DISC1: variants seen among roughly 807,000 people sequenced by gnomAD.
The protein encoded by DISC1 is DISC1 scaffold protein.
A neutral mutation model predicts 84.5 loss-of-function variants in DISC1; 57 were observed. The ratio of observed to expected loss-of-function variants is 0.67; its 90% CI spans 0.55 to 0.84. The LOEUF is 0.84. Among genes scored for constraint, DISC1 ranks in the 40% least tolerant of loss-of-function variants. The pLI is 0.00. For missense variants in DISC1, 1,000 were observed against 1,057.8 expected, an observed-to-expected ratio of 0.95 and a Z score of 0.76; for synonymous variants, 411 against 415.2, an observed-to-expected ratio of 0.99 and a Z score of 0.12.
At position 231,958,841 on chromosome 1, in the gene DISC1, G is replaced by A. The variant is rs1379501388; in HGVS notation, c.1995G>A (p.Lys665=). The A allele has an allele frequency of 1.9e-6, 3 of 1,613,536 alleles. No homozygotes were observed. The South Asian group carries it at 3.3e-5, about 18-fold the overall frequency. The change falls in exon 10 of 13, where the codon AAG becomes AAA. Residue 665 remains lysine (K), a synonymous_variant. Transcript: ENST00000439617. ...TTTTTCCCCCAGAAACAAGTGTGAA[G>A]GAAAATACTATGAAGTACATGGAAA... ...HQETAYETSV[K]ENTMKYMETL...
chr1:231,754,556 C>A (rs1041011848), intron 4 of DISC1, among the ~76,000 whole-genome samples: 6 of 152,156 alleles, frequency 3.9e-5, no homozygotes, highest in Non-Finnish European at 8.8e-5. Flanking sequence ...ATTTAATCAC[C>A]TCCCACCAGG....
chr1:231,635,273 C>G (rs2059100941), intron 1 of DISC1, among the ~76,000 whole-genome samples: 1 of 152,092 alleles, frequency 6.6e-6, no homozygotes, highest in Non-Finnish European at 1.5e-5. Flanking sequence ...TCTTTTCAAG[C>G]TTTCCATACA....
intron 10 of DISC1, among the ~76,000 whole-genome samples, chr1:231,987,342 TCGTCAGCTGAAAGCTGA>T (rs1664589478): frequency 6.6e-6 from 1 of 152,230 alleles, no homozygotes; most frequent in Non-Finnish European, 1.5e-5. Flanking sequence ...ATTGCCTTCA[TCGTCAGCTGAAAGCTGA>T]GCCATGACAA....
At chr1:231,815,724 A>G (rs1208455839) in intron 8 of DISC1, among the ~76,000 whole-genome samples, 5 of 142,376 alleles carry the variant, frequency 3.5e-5, no homozygotes, top group East Asian at 2.1e-4. Context: ...GGCAACAAGA[A>G]CAAAACTCTG....
intron 10 of DISC1, among the ~76,000 whole-genome samples, chr1:231,971,355 C>G (rs1388002308): frequency 6.6e-6 from 1 of 152,156 alleles, no homozygotes; most frequent in East Asian, 1.9e-4. Context: ...TAGCTTCAGA[C>G]ACATGATTAA....
Position 231,826,557 on chromosome 1 carries a change from A to G in DISC1, c.1981+8040A>G, listed in dbSNP as rs574657048. 1.4e-4 allele frequency among the ~76,000 whole-genome samples: 21 copies of G among 152,302 alleles called. No homozygotes were observed. The highest frequency in any genetic ancestry group is 4.1e-4 in the African/African-American group (17 of 41,572). The stretch of plus-strand genomic sequence containing the variant: ...ATTTAACTCAGTAGTAGGAGGTTCT[A>G]TAGGTTATCACCCTATGAAACTCAT... On this transcript the variant is annotated intron_variant, in intron 9 of 12. Transcript: ENST00000439617. The surrounding 1 kb of genome is among the most constrained non-coding windows in gnomAD (Gnocchi z 4.2).
Position 231,849,578 on chromosome 1 carries a change from ATGTG to A in DISC1, c.1981+31067_1981+31070del, listed in dbSNP as rs2083732592. ...TGTATGTTTGTGTTTTCATGTGTAT[ATGTG>A]TGTGTATGTGTGCGTGTGTTTCCCT... On this transcript the variant is annotated intron_variant, in intron 9 of 12. Coordinates refer to ENST00000439617, the MANE Select transcript of DISC1 (RefSeq NM_018662.3). Among the ~76,000 whole-genome samples the A allele has an allele frequency of 3.3e-5, 5 of 151,932 alleles. No individual in the cohort carries two copies. In the South Asian group the frequency reaches 1.0e-3, roughly 32 times the overall value.
At chr1:231,940,645 G>A (rs1251831030) in intron 9 of DISC1, among the ~76,000 whole-genome samples, 1 of 152,114 alleles carries the variant, frequency 6.6e-6, no homozygotes, top group Non-Finnish European at 1.5e-5. Context: ...TGCTCTTTTA[G>A]GGTGTATTTG....
intron 1 of DISC1, among the ~76,000 whole-genome samples, chr1:231,652,063 G>A (rs556168550): frequency 4.6e-5 from 7 of 152,300 alleles, no homozygotes; most frequent in South Asian, 4.1e-4. Context: ...ATAATGCCCC[G>A]CCCTGCTTCG....
Position 231,626,806 on chromosome 1 carries a change from T to C in DISC1, c.-62T>C. 1 of 1,249,384 alleles carries C rather than the reference T, an allele frequency of 8.0e-7. No individual in the cohort carries two copies. The allele number at this position is 1,249,384 out of a possible 1,614,324, so 77.4% of individuals were successfully genotyped here. On this transcript the variant is annotated 5_prime_UTR_variant, in exon 1 of 13. Coordinates refer to ENST00000439617, the MANE Select transcript of DISC1 (RefSeq NM_018662.3). ...CGCGCTGCTCCCTTCCCCCCGCCTC[T>C]GGCCTCGGGGAAGGAGCAGGAGGCA...
At position 232,031,278 on chromosome 1, in the gene DISC1, A is replaced by G. The variant is rs934730777; in HGVS notation, c.2425+4726A>G. On this transcript the variant is annotated intron_variant, in intron 12 of 12. Coordinates refer to ENST00000439617, the MANE Select transcript of DISC1 (RefSeq NM_018662.3). The surrounding 1 kb of genome is among the most constrained non-coding windows in gnomAD (Gnocchi z 4.6). Reference sequence around the variant, plus strand: ...GGAGAAAGAAAGATAAAGAAAGAAAAAGAAAGAAAAGAGGAAGGAAGGAAG... The same window carrying G: ...GGAGAAAGAAAGATAAAGAAAGAAAGAGAAAGAAAAGAGGAAGGAAGGAAG... Among the ~76,000 whole-genome samples, 38 of 146,172 alleles carry G rather than the reference A, an allele frequency of 2.6e-4. No homozygotes were observed. Among genetic ancestry groups the G allele is most frequent in the African/African-American group, 9.6e-4 (38 of 39,430 alleles).
At chr1:231,875,344 G>A (rs968862854) in intron 9 of DISC1, among the ~76,000 whole-genome samples, 4 of 151,724 alleles carry the variant, frequency 2.6e-5, no homozygotes, top group Non-Finnish European at 4.4e-5. Context: ...ACCAGCCCCC[G>A]GCCCTGGTGA....
Position 231,767,184 on chromosome 1 carries a change from G to A in DISC1, c.1313G>A (p.Arg438Lys). The A allele has an allele frequency of 6.2e-7, 1 of 1,614,222 alleles. No individual in the cohort carries two copies. Among genetic ancestry groups the A allele is most frequent in the South Asian group, 1.1e-5 (1 of 91,084 alleles). Reference sequence around the variant, plus strand: ...CACACCCCACTGAGAATGGAGCCGAGGCTGTTGGAACCCACTGCTCAGGAC... The same window carrying A: ...CACACCCCACTGAGAATGGAGCCGAAGCTGTTGGAACCCACTGCTCAGGAC... ...DTHTPLRMEP[R>K]LLEPTAQDSL... The change falls in exon 5 of 13, where the codon AGG (arginine) becomes AAG (lysine). Residue 438 changes from arginine (R) to lysine (K), a missense_variant. This residue lies in a region of DISC1 where 311 missense variants were observed against 400.1 expected (regional missense o/e 0.78). Coordinates refer to ENST00000439617, the MANE Select transcript of DISC1 (RefSeq NM_018662.3).
intron 1 of DISC1, among the ~76,000 whole-genome samples, chr1:231,639,726 TCCAA>T (rs1363505174): frequency 4.7e-4 from 72 of 152,276 alleles, no homozygotes; most frequent in African/African-American, 1.7e-3. Context: ...GTAGTGAAGG[TCCAA>T]TGTGATCAGT....
intron 11 of DISC1, 22 bp from the exon 12 acceptor site, chr1:232,026,413 C>G (rs536574515): frequency 6.5e-7 from 1 of 1,533,548 alleles, no homozygotes; most frequent in South Asian, 1.2e-5. Context: ...AACAAGTGAT[C>G]TTGTTTTCCC....
chr1:231,922,756 A>ACCCTTCCAGCTGG (rs1285334048), intron 9 of DISC1, among the ~76,000 whole-genome samples: 1 of 151,872 alleles, frequency 6.6e-6, no homozygotes, highest in East Asian at 2.0e-4. Flanking sequence ...CAGGTGAGAT[A>ACCCTTCCAGCTGG]CCCTTCCAGC....
intron 11 of DISC1, among the ~76,000 whole-genome samples, chr1:232,010,509 G>T (rs1667927428): frequency 6.6e-6 from 1 of 152,170 alleles, no homozygotes. Flanking sequence ...GGCCAGGACT[G>T]ATTCAGCAGA....
At chr1:231,838,631 G>A (rs2082799063) in intron 9 of DISC1, among the ~76,000 whole-genome samples, 1 of 152,162 alleles carries the variant, frequency 6.6e-6, no homozygotes, top group Non-Finnish European at 1.5e-5. Context: ...TCGTCATCTT[G>A]CATTATATCT....
intron 9 of DISC1, among the ~76,000 whole-genome samples, chr1:231,877,988 G>A (rs2086019585): frequency 6.6e-6 from 1 of 152,208 alleles, no homozygotes; most frequent in East Asian, 1.9e-4. Flanking sequence ...TCAAATTGCA[G>A]CAGAAAGGAA....
Sources: allele counts gnomAD v4.1 joint callset (sites outside exome capture counted in the v4.1 genomes callset), GRCh38; gene constraint gnomAD v4.1.1; regional missense constraint gnomAD v4.1.1; non-coding constraint Gnocchi (gnomAD v3.1); transcripts MANE v1.5; gene names NCBI Gene and HGNC (gene_info 2026-07-23, HGNC 2026-07-21).